SIGLEC15: variants seen among roughly 807,000 people sequenced by gnomAD.
SIGLEC15 encodes sialic acid-binding Ig-like lectin 15.
Under a neutral mutation model 26.2 loss-of-function variants are expected in SIGLEC15, and 31 were observed. The observed-to-expected ratio is 1.18, with a 90% CI of 0.89 to 1.60. The LOEUF is 1.60. Among genes scored for constraint, SIGLEC15 ranks in the 40% most tolerant of loss-of-function variants. SIGLEC15 has a pLI of 0.00. For synonymous variants in SIGLEC15, 207 were observed against 221.9 expected (o/e 0.93, Z 0.60); for missense variants, 501 against 488.4 (o/e 1.03, Z -0.24).
chr18:45,841,994 C>T (rs1296476765), intron 5 of SIGLEC15, 112 bp from the exon 6 acceptor site: 13 of 989,360 alleles, frequency 1.3e-5, no homozygotes, highest in Admixed American at 3.7e-5. Context: ...CGGTTCCAGC[C>T]GCACTGCTCC....
chr18:45,839,178 CT>C (rs2048303996), intron 4 of SIGLEC15, 83 bp downstream of exon 4: 2 of 1,327,090 alleles, frequency 1.5e-6, no homozygotes, highest in South Asian at 2.1e-5. Flanking sequence ...GGCTGACCCC[CT>C]GGCACTGCCA....
chr18:45,836,507 A>G (rs2048277576), intron 1 of SIGLEC15, among the ~76,000 whole-genome samples: 1 of 152,108 alleles, frequency 6.6e-6, no homozygotes, highest in South Asian at 2.1e-4. Flanking sequence ...CCAAAGCAGC[A>G]CACATAGGCA....
At chr18:45,829,547 T>TGGGA (rs1297805323) in intron 1 of SIGLEC15, among the ~76,000 whole-genome samples, 1 of 152,134 alleles carries the variant, frequency 6.6e-6, no homozygotes, top group Non-Finnish European at 1.5e-5. Context: ...CGACAGCCAA[T>TGGGA]GGGAGTGTCT....
chr18:45,840,725 A>C (rs1009779797), intron 5 of SIGLEC15, among the ~76,000 whole-genome samples: 15 of 152,174 alleles, frequency 9.9e-5, no homozygotes, highest in African/African-American at 3.6e-4. Flanking sequence ...AAAGAACTCA[A>C]TTCATAGACC....
intron 1 of SIGLEC15, among the ~76,000 whole-genome samples, chr18:45,833,925 A>C (rs2145049535): frequency 6.6e-6 from 1 of 152,168 alleles, no homozygotes; most frequent in Middle Eastern, 3.4e-3. Context: ...ATGGAAAAAA[A>C]CCCATGAATC....
At chr18:45,831,806 C>T (rs556002138) in intron 1 of SIGLEC15, among the ~76,000 whole-genome samples, 16 of 151,536 alleles carry the variant, frequency 1.1e-4, no homozygotes, top group Admixed American at 3.9e-4. Context: ...GGGGCAATCT[C>T]GGCTCACTGC....
At chr18:45,840,641 G>T (rs1286998278) in intron 5 of SIGLEC15, among the ~76,000 whole-genome samples, 1 of 152,226 alleles carries the variant, frequency 6.6e-6, no homozygotes, top group African/African-American at 2.4e-5. Context: ...GAGACCCCTA[G>T]GAAATCACTG....
At chr18:45,836,945 C>A in intron 1 of SIGLEC15, 84 bp from the exon 2 acceptor site, 1 of 786,720 alleles carries the variant, frequency 1.3e-6, no homozygotes, top group Non-Finnish European at 2.3e-6. Flanking sequence ...TGGCCTCATG[C>A]TGGCAGTGTG....
intron 5 of SIGLEC15, among the ~76,000 whole-genome samples, chr18:45,841,294 G>A (rs76853277): frequency 6.6e-6 from 1 of 152,110 alleles, no homozygotes; most frequent in Non-Finnish European, 1.5e-5. Context: ...AGCCCCACTA[G>A]AGTGTGGACG....
intron 5 of SIGLEC15, chr18:45,840,766 G>A (rs1249371037): frequency 6.5e-6 from 1 of 152,820 alleles, no homozygotes; most frequent in African/African-American, 2.4e-5. Context: ...CCTGGCAGAG[G>A]GTAGGAGTGG....
chr18:45,829,302 T>A (rs1398692983), intron 1 of SIGLEC15: 1 of 273,714 alleles, frequency 3.7e-6, no homozygotes, highest in Non-Finnish European at 5.6e-6. Context: ...TACTCACACC[T>A]CACCCCTTCC....
At chr18:45,841,332 G>A (rs909239212) in intron 5 of SIGLEC15, among the ~76,000 whole-genome samples, 2 of 152,150 alleles carry the variant, frequency 1.3e-5, no homozygotes, top group Non-Finnish European at 2.9e-5. Context: ...GGGCAGCCCG[G>A]GAGAGGAAAA....
chr18:45,830,752 A>ATTTT (rs34498635), intron 1 of SIGLEC15, among the ~76,000 whole-genome samples: 122 of 118,112 alleles, frequency 1.0e-3, no homozygotes, highest in Middle Eastern at 4.5e-3. Flanking sequence ...TGCCAGGCTA[A>ATTTT]TTTTTTTTTT....
At chr18:45,827,324 G>C (rs1169176325) in intron 1 of SIGLEC15, among the ~76,000 whole-genome samples, 1 of 152,228 alleles carries the variant, frequency 6.6e-6, no homozygotes, top group Non-Finnish European at 1.5e-5. Flanking sequence ...GAACCCAGGT[G>C]TGTGGGGCTT....
intron 1 of SIGLEC15, 142 bp from the exon 2 acceptor site, chr18:45,836,887 G>C (rs764516626): frequency 3.4e-6 from 2 of 589,004 alleles, no homozygotes; most frequent in Non-Finnish European, 6.2e-6. Flanking sequence ...CCAGCCTCTA[G>C]TGCACTAGAA....
In SIGLEC15 at chr18:45,837,527, C is replaced by A; in HGVS notation, c.127C>A (p.Arg43Ser). The change falls in exon 3 of 6, where the codon CGC (arginine) becomes AGC (serine). Residue 43 changes from arginine (R) to serine (S), a missense_variant. Coordinates refer to ENST00000389474, the MANE Select transcript of SIGLEC15 (RefSeq NM_213602.3). ...CCCGCCCTCAGGCTCGCCAGCGCAG[C>A]GCTGGTCCATGCAGGTGCCACCCGA... ...NTEVHSSPAQ[R>S]WSMQVPPEVS... The A allele has an allele frequency of 1.3e-6, 2 of 1,516,372 alleles. No individual in the cohort carries two copies. Among genetic ancestry groups the A allele is most frequent in the African/African-American group, 2.8e-5 (2 of 70,536 alleles). The allele number at this position is 1,516,372 out of a possible 1,614,324, so 93.9% of individuals were successfully genotyped here.
At position 45,837,910 on chromosome 18, in the gene SIGLEC15, G is replaced by T; in HGVS notation, c.496+14G>T. 1.3e-6 allele frequency: 2 copies of T among 1,485,926 alleles called. No homozygotes were observed. Among genetic ancestry groups the T allele is most frequent in the Non-Finnish European group, 1.8e-6 (2 of 1,128,552 alleles). 92.0% of individuals were successfully genotyped at this position (1,485,926 alleles called of 1,614,324 possible). On this transcript the variant is annotated intron_variant, in intron 3 of 5. Transcript: ENST00000389474. ...TGCACGTGACAGGCGAGGCGGCGTGGGAGCGGGTCCCCGGCCTCCCTTCCC... is the reference window on the plus strand; with the variant it reads ...TGCACGTGACAGGCGAGGCGGCGTGTGAGCGGGTCCCCGGCCTCCCTTCCC...
At chr18:45,831,743 C>G (rs1275375523) in intron 1 of SIGLEC15, among the ~76,000 whole-genome samples, 1 of 146,756 alleles carries the variant, frequency 6.8e-6, no homozygotes, top group South Asian at 2.1e-4. Flanking sequence ...GTACCAACAT[C>G]TTTTTTTTTT....
rs2048330763 is a variant in SIGLEC15, at chr18:45,842,242, G to A, written c.*55G>A. On this transcript the variant is annotated 3_prime_UTR_variant, in exon 6 of 6. Transcript: ENST00000389474. The stretch of plus-strand genomic sequence containing the variant: ...AGCACTGTAAAGAACAAAGGCCAGT[G>A]CGAGGCTTGGCTGGCACAGCCAGTC... 3 of 1,592,512 alleles carry A rather than the reference G, an allele frequency of 1.9e-6. No homozygotes were observed. The highest frequency in any genetic ancestry group is 2.6e-6 in the Non-Finnish European group (3 of 1,160,528).
Sources: gnomAD v4.1 joint callset for allele counts (sites outside exome capture counted in the v4.1 genomes callset) on GRCh38, gnomAD v4.1.1 for gene constraint, MANE v1.5 for transcripts, NCBI Gene and HGNC (gene_info 2026-07-23, HGNC 2026-07-21) for gene names.